GRIA1: variants seen among roughly 807,000 people sequenced by gnomAD.
GRIA1 encodes glutamate ionotropic receptor AMPA type subunit 1, also known as glutamate receptor 1.
Under a neutral mutation model 99.2 loss-of-function variants are expected in GRIA1, and 31 were observed. That is an observed-to-expected ratio of 0.31 (90% CI 0.23 to 0.42). The LOEUF (loss-of-function observed/expected upper bound fraction) is 0.42. Among genes scored for constraint, GRIA1 ranks in the 10% least tolerant of loss-of-function variants. The probability of loss-of-function intolerance (pLI) is 1.00; values close to 1 mark genes in which losing one functional copy is unlikely to be tolerated. For missense variants in GRIA1, 782 were observed against 1,157.5 expected (o/e 0.68, Z 4.71); for synonymous variants, 438 against 432.4 (o/e 1.01, Z -0.16).
chr5:153,585,684 G>T (rs1763424495), intron 2 of GRIA1, among the ~76,000 whole-genome samples: 1 of 151,974 alleles, frequency 6.6e-6, no homozygotes, highest in Non-Finnish European at 1.5e-5. Context: ...CAGGCTTATT[G>T]CCCCTTTGGA....
intron 2 of GRIA1, among the ~76,000 whole-genome samples, chr5:153,557,322 T>A (rs1293742779): frequency 6.6e-6 from 1 of 152,184 alleles, no homozygotes; most frequent in Non-Finnish European, 1.5e-5. Context: ...TAGAGTGCAA[T>A]GGCAAGATCT....
chr5:153,742,887 C>G (rs918559228), intron 11 of GRIA1, among the ~76,000 whole-genome samples: 3 of 152,226 alleles, frequency 2.0e-5, no homozygotes, highest in Admixed American at 1.3e-4. Flanking sequence ...TTAATTCTGT[C>G]TGAATGGTCT....
At chr5:153,608,926 G>A (rs755827355) in intron 2 of GRIA1, among the ~76,000 whole-genome samples, 9 of 152,032 alleles carry the variant, frequency 5.9e-5, no homozygotes, top group Non-Finnish European at 1.0e-4. Context: ...TCCATTATCA[G>A]GTCAATCCAA....
intron 12 of GRIA1, among the ~76,000 whole-genome samples, chr5:153,765,089 C>T (rs1413776328): frequency 6.6e-6 from 1 of 151,570 alleles, no homozygotes; most frequent in Non-Finnish European, 1.5e-5. Context: ...AAAAAAAAAA[C>T]TGGAAAAGGT....
intron 7 of GRIA1, among the ~76,000 whole-genome samples, chr5:153,681,479 G>A (rs1049321898): frequency 1.3e-5 from 2 of 152,174 alleles, no homozygotes; most frequent in Non-Finnish European, 2.9e-5. Context: ...GGTTCTGGAT[G>A]GGGATGTCAA....
At chr5:153,541,215 C>T (rs1759061657) in intron 2 of GRIA1, among the ~76,000 whole-genome samples, 1 of 152,182 alleles carries the variant, frequency 6.6e-6, no homozygotes, top group African/African-American at 2.4e-5. Flanking sequence ...AGAGCTTGTC[C>T]TAAATACCAC....
intron 11 of GRIA1, among the ~76,000 whole-genome samples, chr5:153,763,013 T>C (rs186718532): frequency 3.0e-4 from 46 of 152,308 alleles, no homozygotes; most frequent in African/African-American, 8.9e-4. Flanking sequence ...GCGACATAGC[T>C]TTGCTCCGCT....
intron 5 of GRIA1, among the ~76,000 whole-genome samples, chr5:153,658,105 C>A (rs1257311556): frequency 6.6e-6 from 1 of 152,168 alleles, no homozygotes; most frequent in Non-Finnish European, 1.5e-5. Flanking sequence ...AGAGCTAGGC[C>A]TGTCACCAAG....
At chr5:153,528,102 A>G (rs1429363180) in intron 2 of GRIA1, among the ~76,000 whole-genome samples, 1 of 152,160 alleles carries the variant, frequency 6.6e-6, no homozygotes. Flanking sequence ...GAAAATGTGT[A>G]TGTTATTATT....
chr5:153,630,819 T>TGTG (rs144705243), intron 2 of GRIA1, among the ~76,000 whole-genome samples: 2 of 152,132 alleles, frequency 1.3e-5, no homozygotes, highest in African/African-American at 4.8e-5. Flanking sequence ...GCAGCATGGC[T>TGTG]GTGGTGGTGG....
chr5:153,730,599 AG>A (rs1748795863), intron 11 of GRIA1, among the ~76,000 whole-genome samples: 1 of 152,108 alleles, frequency 6.6e-6, no homozygotes. Context: ...AACTAGGCAA[AG>A]GACTGAATGT....
At chr5:153,764,362 T>G (rs1406524074) in intron 11 of GRIA1, 72 bp from the exon 12 acceptor site, 8 of 1,168,022 alleles carry the variant, frequency 6.8e-6, no homozygotes, top group Non-Finnish European at 1.0e-5. Flanking sequence ...CCCGGACCCG[T>G]GCTCAGTCCC....
intron 8 of GRIA1, among the ~76,000 whole-genome samples, chr5:153,690,327 G>A (rs1300505047): frequency 6.6e-6 from 1 of 152,048 alleles, no homozygotes; most frequent in African/African-American, 2.4e-5. Flanking sequence ...GGGTGGCTAA[G>A]AGCTTGGGCT....
chr5:153,749,133 G>C (rs931510479), intron 11 of GRIA1, among the ~76,000 whole-genome samples: 6 of 152,152 alleles, frequency 3.9e-5, no homozygotes, highest in Non-Finnish European at 1.5e-5. Flanking sequence ...AGGAGACCCA[G>C]GAGAGAGTGG....
At chr5:153,520,927 T>C (rs1461628505) in intron 2 of GRIA1, among the ~76,000 whole-genome samples, 1 of 152,238 alleles carries the variant, frequency 6.6e-6, no homozygotes, top group Non-Finnish European at 1.5e-5. Context: ...CCCCAGTTTA[T>C]AGATTATAAA....
chr5:153,776,426 T>G lies in GRIA1; in HGVS notation c.2270+6011T>G, dbSNP rs1392379192. 2.0e-5 allele frequency among the ~76,000 whole-genome samples: 3 copies of G among 152,234 alleles called. No individual in the cohort carries two copies. In the East Asian group the frequency reaches 5.8e-4, roughly 29 times the overall value. ...TACGGGATTTACCTCCCAAACAGAA[T>G]AATTGCTGCCACCTCAATTTTACCT... is the stretch of plus-strand genomic sequence containing the variant. On this transcript the variant is annotated intron_variant, in intron 13 of 15. Coordinates refer to ENST00000285900, the MANE Select transcript of GRIA1 (RefSeq NM_000827.4).
intron 11 of GRIA1, among the ~76,000 whole-genome samples, chr5:153,745,736 A>T (rs952291992): frequency 6.6e-6 from 1 of 152,184 alleles, no homozygotes; most frequent in African/African-American, 2.4e-5. Flanking sequence ...GTTATAGATG[A>T]CTCATAGAAG....
intron 11 of GRIA1, among the ~76,000 whole-genome samples, chr5:153,750,031 G>A (rs528223001): frequency 3.3e-5 from 5 of 152,180 alleles, no homozygotes; most frequent in Admixed American, 2.0e-4. Context: ...CACAGTGACC[G>A]GCAGCTGGGG....
chr5:153,806,761 C>A (rs564019509), intron 15 of GRIA1, among the ~76,000 whole-genome samples: 2 of 152,156 alleles, frequency 1.3e-5, no homozygotes, highest in Non-Finnish European at 2.9e-5. Context: ...TTTTCAGTAA[C>A]TTTTATGTTC....
Sources: gnomAD v4.1 joint callset for allele counts (sites outside exome capture counted in the v4.1 genomes callset) on GRCh38, gnomAD v4.1.1 for gene constraint, MANE v1.5 for transcripts, NCBI Gene and HGNC (gene_info 2026-07-23, HGNC 2026-07-21) for gene names.